The following PLD5 variants were observed in gnomAD, a reference collection of about 807,000 sequenced individuals.
PLD5 encodes phospholipase D family member 5.
PLD5 carries 36 observed loss-of-function variants against 61.1 expected under a neutral mutation model. The observed-to-expected ratio is 0.59, with a 90% CI of 0.45 to 0.78. The LOEUF (loss-of-function observed/expected upper bound fraction) is 0.78, where lower values mean the gene tolerates loss of function less well. PLD5 is among the 30% of genes least tolerant of loss of function. PLD5 has a pLI of 0.00. For synonymous variants in PLD5, 243 were observed against 242.8 expected, an observed-to-expected ratio of 1.00 and a Z score of -0.01; for missense variants, 515 against 644.4, an observed-to-expected ratio of 0.80 and a Z score of 2.17.
chr1:242,289,633 G>T (rs1309888520), intron 2 of PLD5, among the ~76,000 whole-genome samples: 1 of 152,062 alleles, frequency 6.6e-6, no homozygotes, highest in Non-Finnish European at 1.5e-5. Flanking sequence ...AGGATTATAG[G>T]CATGAGCCAC....
intron 2 of PLD5, among the ~76,000 whole-genome samples, chr1:242,341,894 G>T (rs1659853651): frequency 6.8e-6 from 1 of 147,120 alleles, no homozygotes. Context: ...AGATATGTGG[G>T]CAAGAGTGAG....
chr1:242,176,422 T>C (rs1228918771), intron 5 of PLD5, among the ~76,000 whole-genome samples: 1 of 152,166 alleles, frequency 6.6e-6, no homozygotes, highest in Admixed American at 6.5e-5. Flanking sequence ...TTATAGTTTA[T>C]ACAAAAATTA....
intron 5 of PLD5, among the ~76,000 whole-genome samples, chr1:242,151,850 GTTTTA>G (rs1056412749): frequency 4.0e-5 from 6 of 151,778 alleles, no homozygotes; most frequent in Non-Finnish European, 5.9e-5. Flanking sequence ...CAAATTAAAT[GTTTTA>G]TTTTGAGATA....
intron 1 of PLD5, among the ~76,000 whole-genome samples, chr1:242,424,986 G>T (rs1403992926): frequency 6.6e-6 from 1 of 152,114 alleles, no homozygotes; most frequent in Non-Finnish European, 1.5e-5. Context: ...ACAACAATTA[G>T]CTGGGTGTGG....
intron 5 of PLD5, among the ~76,000 whole-genome samples, chr1:242,178,527 A>G (rs945856480): frequency 6.6e-6 from 1 of 152,158 alleles, no homozygotes; most frequent in Non-Finnish European, 1.5e-5. Flanking sequence ...TCTGGTGCTG[A>G]CTTTCCCAGG....
chr1:242,103,983 A>G (rs990140446), intron 8 of PLD5, among the ~76,000 whole-genome samples: 10 of 152,228 alleles, frequency 6.6e-5, no homozygotes, highest in African/African-American at 2.4e-4. Context: ...AATTGTTAAT[A>G]ATTTCATGAA....
At chr1:242,440,512 G>A (rs1012661993) in intron 1 of PLD5, among the ~76,000 whole-genome samples, 2 of 152,186 alleles carry the variant, frequency 1.3e-5, no homozygotes, top group Non-Finnish European at 2.9e-5. Flanking sequence ...AACTGATCGG[G>A]TATAGATTAT....
intron 5 of PLD5, among the ~76,000 whole-genome samples, chr1:242,148,997 C>T (rs999150606): frequency 4.8e-5 from 7 of 145,396 alleles, no homozygotes; most frequent in African/African-American, 1.6e-4. Flanking sequence ...AAGTCTATGC[C>T]TTTTATTTCT....
intron 1 of PLD5, among the ~76,000 whole-genome samples, chr1:242,515,378 A>G (rs2103006296): frequency 6.6e-6 from 1 of 152,264 alleles, no homozygotes; most frequent in South Asian, 2.1e-4. Context: ...ACACTCAGCT[A>G]ATTTTTTTGT....
At chr1:242,299,651 G>T (rs1675916332) in intron 2 of PLD5, among the ~76,000 whole-genome samples, 1 of 152,208 alleles carries the variant, frequency 6.6e-6, no homozygotes, top group Admixed American at 6.5e-5. Context: ...GGGGCATGAG[G>T]TCCATGACAG....
chr1:242,127,043 T>C (rs1662845431), intron 5 of PLD5, among the ~76,000 whole-genome samples: 1 of 152,136 alleles, frequency 6.6e-6, no homozygotes, highest in East Asian at 1.9e-4. Context: ...CCAACAAACA[T>C]ATGAAAGAGT....
At chr1:242,222,963 T>C (rs1670694688) in intron 4 of PLD5, among the ~76,000 whole-genome samples, 1 of 152,176 alleles carries the variant, frequency 6.6e-6, no homozygotes, top group South Asian at 2.1e-4. Context: ...AAGTGACTGA[T>C]TCAAATTCAG....
intron 4 of PLD5, among the ~76,000 whole-genome samples, chr1:242,245,670 T>C (rs1393639135): frequency 6.6e-6 from 1 of 152,204 alleles, no homozygotes; most frequent in Non-Finnish European, 1.5e-5. Context: ...AAGTTGGCAT[T>C]TTCAGCTGAG....
At chr1:242,131,081 G>A (rs975889979) in intron 5 of PLD5, among the ~76,000 whole-genome samples, 8 of 152,016 alleles carry the variant, frequency 5.3e-5, no homozygotes, top group South Asian at 2.1e-4. Context: ...CGAGGTGGGC[G>A]GATCACTAGA....
chr1:242,261,783 C>T (rs1673387143), intron 4 of PLD5, among the ~76,000 whole-genome samples: 1 of 152,140 alleles, frequency 6.6e-6, no homozygotes, highest in Non-Finnish European at 1.5e-5. Context: ...AAAGATACAA[C>T]ATGATACGTA....
At chr1:242,165,382 T>C (rs1666227140) in intron 5 of PLD5, among the ~76,000 whole-genome samples, 1 of 151,742 alleles carries the variant, frequency 6.6e-6, no homozygotes, top group Non-Finnish European at 1.5e-5. Context: ...ATAACTTTCA[T>C]TTATGGGAAA....
intron 2 of PLD5, among the ~76,000 whole-genome samples, chr1:242,318,135 G>A (rs1175516191): frequency 2.0e-5 from 3 of 152,170 alleles, no homozygotes; most frequent in Non-Finnish European, 2.9e-5. Context: ...GAGTAATAAT[G>A]GCATTGTGTA....
Position 242,089,457 on chromosome 1 carries a change from C to G in PLD5, c.*397G>C. 1 of 427,408 alleles carries G rather than the reference C, an allele frequency of 2.3e-6. No individual in the cohort carries two copies. Among genetic ancestry groups the G allele is most frequent in the Non-Finnish European group, 4.1e-6 (1 of 243,370 alleles). The allele number at this position is 427,408 out of a possible 1,614,324, so 26.5% of individuals were successfully genotyped here. On this transcript the variant is annotated 3_prime_UTR_variant, in exon 10 of 10. Transcript: ENST00000536534. The stretch of plus-strand genomic sequence containing the variant: ...ATCAGTCTCTTCTCCAAGGCAAAAT[C>G]CTCACCTTCCTCTCTAAATCAACAG...
At chr1:242,385,120 A>C (rs1662524942) in intron 1 of PLD5, among the ~76,000 whole-genome samples, 1 of 152,246 alleles carries the variant, frequency 6.6e-6, no homozygotes, top group Non-Finnish European at 1.5e-5. Context: ...GGAATACTTA[A>C]TGACTATAAG....
Sources: allele counts gnomAD v4.1 joint callset (sites outside exome capture counted in the v4.1 genomes callset), GRCh38; gene constraint gnomAD v4.1.1; transcripts MANE v1.5; gene names NCBI Gene and HGNC (gene_info 2026-07-23, HGNC 2026-07-21).